SLC16A7: variants seen among roughly 807,000 people sequenced by gnomAD.
The protein encoded by SLC16A7 is solute carrier family 16 member 7.
In SLC16A7, 33 loss-of-function variants were observed where a neutral mutation model predicts 34.9. The ratio of observed to expected loss-of-function variants is 0.94; its 90% CI spans 0.72 to 1.26. The LOEUF (loss-of-function observed/expected upper bound fraction) is 1.26. Among genes scored for constraint, SLC16A7 ranks in the 50% most tolerant of loss-of-function variants. SLC16A7 has a pLI of 0.00. For synonymous variants in SLC16A7, 201 were observed against 206.6 expected, an observed-to-expected ratio of 0.97 and a Z score of 0.23; for missense variants, 573 against 578.1, an observed-to-expected ratio of 0.99 and a Z score of 0.09.
intron 2 of SLC16A7, among the ~76,000 whole-genome samples, chr12:59,680,241 A>G (rs17122838): frequency 0.071 from 10,839 of 152,268 alleles, 432 homozygotes; most frequent in Middle Eastern, 0.17. Context: ...GAAACAGGGC[A>G]TCAGTGAGGT....
At chr12:59,740,558 T>C (rs1433435403) in intron 3 of SLC16A7, among the ~76,000 whole-genome samples, 2 of 152,064 alleles carry the variant, frequency 1.3e-5, no homozygotes, top group Non-Finnish European at 2.9e-5. Context: ...ATGGGACGTA[T>C]CTCAAAATAA....
intron 1 of SLC16A7, among the ~76,000 whole-genome samples, chr12:59,601,576 CTT>C (rs1427399833): frequency 1.3e-5 from 2 of 152,170 alleles, no homozygotes; most frequent in Admixed American, 6.5e-5. Flanking sequence ...AGGACTGTCT[CTT>C]TCATTGCAGA....
At chr12:59,771,800 G>C (rs1477961607) in intron 4 of SLC16A7, among the ~76,000 whole-genome samples, 1 of 152,052 alleles carries the variant, frequency 6.6e-6, no homozygotes, top group Non-Finnish European at 1.5e-5. Context: ...GATATTTTCT[G>C]GATGCACTGA....
chr12:59,745,413 C>T (rs985310938), intron 3 of SLC16A7, among the ~76,000 whole-genome samples: 1 of 152,094 alleles, frequency 6.6e-6, no homozygotes, highest in Non-Finnish European at 1.5e-5. Flanking sequence ...ATGATAATGA[C>T]AATGGGGATG....
intron 1 of SLC16A7, among the ~76,000 whole-genome samples, chr12:59,606,834 G>A (rs766333706): frequency 4.0e-5 from 6 of 151,310 alleles, no homozygotes; most frequent in Admixed American, 6.6e-5. Flanking sequence ...GTGTGTGTAC[G>A]TGTGTGTATG....
At position 59,694,518 on chromosome 12, in the gene SLC16A7, C is replaced by T. The variant is rs550699575; in HGVS notation, c.-30-10254C>T. Among the ~76,000 whole-genome samples the T allele has an allele frequency of 1.4e-3, 213 of 151,698 alleles. 1 individual carries two copies. The highest frequency in any genetic ancestry group is 7.0e-3 in the Middle Eastern group (2 of 284). Reference sequence around the variant, plus strand: ...GCTCCTGCCTTCTTTATTATTGTTACATTTTGAAAAGAACACAACATAAGA... The same window carrying T: ...GCTCCTGCCTTCTTTATTATTGTTATATTTTGAAAAGAACACAACATAAGA... On this transcript the variant is annotated intron_variant, in intron 2 of 5. Transcript: ENST00000547379.
chr12:59,637,816 G>A (rs1158853895), intron 1 of SLC16A7, among the ~76,000 whole-genome samples: 1 of 152,080 alleles, frequency 6.6e-6, no homozygotes, highest in Non-Finnish European at 1.5e-5. Context: ...CTTCATAAGT[G>A]GATTAATGCC....
intron 3 of SLC16A7, among the ~76,000 whole-genome samples, chr12:59,745,630 A>G (rs149486122): frequency 8.5e-5 from 13 of 152,316 alleles, no homozygotes; most frequent in African/African-American, 2.6e-4. Context: ...ATGCCATAAT[A>G]TAGAACTGTG....
intron 3 of SLC16A7, among the ~76,000 whole-genome samples, chr12:59,765,224 G>A (rs1881469846): frequency 6.6e-6 from 1 of 152,068 alleles, no homozygotes; most frequent in Admixed American, 6.6e-5. Flanking sequence ...TGTAGATTCT[G>A]GATATTAGCC....
At chr12:59,705,292 T>G (rs1020168810) in intron 3 of SLC16A7, among the ~76,000 whole-genome samples, 2 of 152,184 alleles carry the variant, frequency 1.3e-5, no homozygotes, top group African/African-American at 4.8e-5. Flanking sequence ...AATTTCTAAG[T>G]GAGGCTACTT....
chr12:59,726,155 A>G (rs913499524), intron 3 of SLC16A7, among the ~76,000 whole-genome samples: 18 of 152,164 alleles, frequency 1.2e-4, no homozygotes, highest in Admixed American at 1.0e-3. Flanking sequence ...GTGAGTACAC[A>G]TCTAATTTAA....
chr12:59,727,376 A>G (rs1313050311), intron 3 of SLC16A7, among the ~76,000 whole-genome samples: 1 of 151,966 alleles, frequency 6.6e-6, no homozygotes, highest in Non-Finnish European at 1.5e-5. Flanking sequence ...ATTACTAGAA[A>G]ATTATTTTGC....
At chr12:59,706,416 T>C (rs1873584750) in intron 3 of SLC16A7, among the ~76,000 whole-genome samples, 1 of 152,018 alleles carries the variant, frequency 6.6e-6, no homozygotes, top group Non-Finnish European at 1.5e-5. Flanking sequence ...ATGTGTTTTA[T>C]ACTTTTTATA....
chr12:59,626,445 G>A (rs898558429), intron 1 of SLC16A7, among the ~76,000 whole-genome samples: 1 of 151,616 alleles, frequency 6.6e-6, no homozygotes, highest in African/African-American at 2.4e-5. Flanking sequence ...TGCTTTCATT[G>A]ATTCATCTCA....
chr12:59,716,348 C>T (rs1054994977), intron 3 of SLC16A7, among the ~76,000 whole-genome samples: 22 of 152,132 alleles, frequency 1.4e-4, no homozygotes, highest in Admixed American at 1.0e-3. Context: ...AATAGAACTC[C>T]GATCTACGTC....
intron 1 of SLC16A7, among the ~76,000 whole-genome samples, chr12:59,619,663 T>C (rs1205337028): frequency 2.0e-5 from 3 of 151,966 alleles, no homozygotes; most frequent in African/African-American, 4.8e-5. Flanking sequence ...TGACATGGAC[T>C]GAGTATGCCA....
intron 3 of SLC16A7, among the ~76,000 whole-genome samples, chr12:59,706,147 G>A (rs1042461597): frequency 6.6e-6 from 1 of 152,090 alleles, no homozygotes; most frequent in Non-Finnish European, 1.5e-5. Flanking sequence ...TGTGGTCTCT[G>A]ACTTTCTCAT....
chr12:59,724,557 C>T (rs1876009481), intron 3 of SLC16A7, among the ~76,000 whole-genome samples: 1 of 151,852 alleles, frequency 6.6e-6, no homozygotes, highest in Non-Finnish European at 1.5e-5. Flanking sequence ...AGTAATACCA[C>T]AGATTAGCAA....
chr12:59,624,622 TA>T (rs1565622239), intron 1 of SLC16A7, among the ~76,000 whole-genome samples: 1 of 151,784 alleles, frequency 6.6e-6, no homozygotes, highest in Non-Finnish European at 1.5e-5. Flanking sequence ...CTTTGTAATA[TA>T]AAATTGGTAA....
Sources: gnomAD v4.1 joint callset for allele counts (sites outside exome capture counted in the v4.1 genomes callset) on GRCh38, gnomAD v4.1.1 for gene constraint, MANE v1.5 for transcripts, NCBI Gene and HGNC (gene_info 2026-07-23, HGNC 2026-07-21) for gene names.